The following COL5A2 variants were observed in gnomAD, a reference collection of about 807,000 sequenced individuals.
COL5A2 encodes the protein collagen alpha-2(V) chain.
A neutral mutation model predicts 208.2 loss-of-function variants in COL5A2; 23 were observed. The observed-to-expected ratio is 0.11, with a 90% CI of 0.08 to 0.16. The LOEUF (loss-of-function observed/expected upper bound fraction) is 0.16, where lower values mean the gene tolerates loss of function less well. Among genes scored for constraint, COL5A2 ranks in the 10% least tolerant of loss-of-function variants. COL5A2 has a pLI of 1.00. For synonymous variants in COL5A2, 625 were observed against 628.5 expected, an observed-to-expected ratio of 0.99 and a Z score of 0.08; for missense variants, 1,590 against 1,956.4, an observed-to-expected ratio of 0.81 and a Z score of 3.53.
intron 1 of COL5A2, among the ~76,000 whole-genome samples, chr2:189,214,625 G>A (rs1434802370): frequency 2.0e-5 from 3 of 151,970 alleles, no homozygotes; most frequent in East Asian, 1.9e-4. Context: ...TGTAATTTGC[G>A]AAAGGCAGTT....
At chr2:189,205,801 A>T (rs1689136648) in intron 1 of COL5A2, among the ~76,000 whole-genome samples, 1 of 152,350 alleles carries the variant, frequency 6.6e-6, no homozygotes, top group African/African-American at 2.4e-5. Flanking sequence ...AGAAGCAAAA[A>T]TAATGATTTT....
the COL5A2 span, among the ~76,000 whole-genome samples, chr2:189,338,516 C>T: frequency 6.6e-6 from 1 of 152,046 alleles, no homozygotes; most frequent in African/African-American, 2.4e-5. Flanking sequence ...CTAGCCAGCT[C>T]CCCCATTCTT....
intron 1 of COL5A2, among the ~76,000 whole-genome samples, chr2:189,204,404 T>G (rs566648753): frequency 2.6e-5 from 4 of 152,316 alleles, no homozygotes; most frequent in Admixed American, 2.6e-4. Flanking sequence ...TCTCCCACTC[T>G]TCAAAATTTT....
At chr2:189,390,937 T>C in the COL5A2 span, among the ~76,000 whole-genome samples, 5 of 152,304 alleles carry the variant, frequency 3.3e-5, no homozygotes, top group East Asian at 5.8e-4. Context: ...GACTGTCACA[T>C]TGGAGTGAGA....
chr2:189,090,779 C>T (rs1361319419), intron 7 of COL5A2, among the ~76,000 whole-genome samples: 1 of 152,200 alleles, frequency 6.6e-6, no homozygotes, highest in Non-Finnish European at 1.5e-5. Context: ...ACAGCCTTTA[C>T]AGCATTGTTT....
chr2:189,178,567 G>T (rs1176152432), intron 1 of COL5A2, among the ~76,000 whole-genome samples: 1 of 151,870 alleles, frequency 6.6e-6, no homozygotes, highest in Non-Finnish European at 1.5e-5. Context: ...CAAGATTAAA[G>T]ATTTAATAGA....
At chr2:189,246,042 T>C in the COL5A2 span, among the ~76,000 whole-genome samples, 68 of 152,292 alleles carry the variant, frequency 4.5e-4, 1 homozygote, top group African/African-American at 1.5e-3. Flanking sequence ...TAGGCACCAT[T>C]GCAAATACTC....
At chr2:189,299,992 G>A in the COL5A2 span, among the ~76,000 whole-genome samples, 281 of 152,136 alleles carry the variant, frequency 1.8e-3, 1 homozygote, top group African/African-American at 6.3e-3. Flanking sequence ...ATATACTGGC[G>A]GCAGTTCTCA....
the COL5A2 span, among the ~76,000 whole-genome samples, chr2:189,245,266 ACCATAAT>A: frequency 6.6e-6 from 1 of 152,048 alleles, no homozygotes; most frequent in Non-Finnish European, 1.5e-5. Context: ...TCACAATAGA[ACCATAAT>A]ATAGCAGTAT....
rs776780834 is a variant in COL5A2, at chr2:189,063,155, T to G, written c.1869+17A>C. On this transcript the variant is annotated intron_variant, in intron 27 of 53. Coordinates refer to ENST00000374866, the MANE Select transcript of COL5A2 (RefSeq NM_000393.5). ...GGATCATGATGAGGTGGCCAACATA[T>G]TATACACTGTACTCACACTGCTACC... 2 of 1,613,052 alleles carry G rather than the reference T, an allele frequency of 1.2e-6. No individual in the cohort carries two copies. Among genetic ancestry groups the G allele is most frequent in the Admixed American group, 3.3e-5 (2 of 60,014 alleles).
chr2:189,116,452 C>T (rs1366016785), intron 1 of COL5A2, among the ~76,000 whole-genome samples: 1 of 152,134 alleles, frequency 6.6e-6, no homozygotes, highest in African/African-American at 2.4e-5. Context: ...TTCCACATTC[C>T]TCATTTTGCT....
chr2:189,400,868 T>C, the COL5A2 span, among the ~76,000 whole-genome samples: 1 of 151,946 alleles, frequency 6.6e-6, no homozygotes, highest in Non-Finnish European at 1.5e-5. Flanking sequence ...CTGGCAAGAG[T>C]CCTTTGGCTT....
At position 189,068,859 on chromosome 2, in the gene COL5A2, C is replaced by T. The variant is rs766119748; in HGVS notation, c.1184G>A (p.Arg395Gln). 5.0e-6 allele frequency: 8 copies of T among 1,612,926 alleles called. No homozygotes were observed. Among genetic ancestry groups the T allele is most frequent in the Non-Finnish European group, 6.8e-6 (8 of 1,179,650 alleles). The change falls in exon 19 of 54, where the codon CGA (arginine) becomes CAA (glutamine). Residue 395 changes from arginine to glutamine, a missense_variant. By Grantham distance (43) the Arg-to-Gln change is conservative. Coordinates refer to ENST00000374866, the MANE Select transcript of COL5A2 (RefSeq NM_000393.5). ...MKGEAGPTGA[R>Q]GPEGPQGQRG... ...CTGCCCCTGAGGACCTTCAGGGCCT[C>T]GCGCCCCTGTAGGACCTGCTTCTCC...
At chr2:189,133,794 G>C (rs992476009) in intron 1 of COL5A2, among the ~76,000 whole-genome samples, 2 of 152,096 alleles carry the variant, frequency 1.3e-5, no homozygotes, top group Admixed American at 6.5e-5. Context: ...CAGAATCAGA[G>C]GAGTTCAGAA....
At chr2:189,399,109 TTTTA>T in the COL5A2 span, among the ~76,000 whole-genome samples, 1 of 152,176 alleles carries the variant, frequency 6.6e-6, no homozygotes, top group Non-Finnish European at 1.5e-5. Flanking sequence ...TCTTATAGCT[TTTTA>T]TTTCTTTCTG....
chr2:189,395,835 C>T, the COL5A2 span, among the ~76,000 whole-genome samples: 1 of 127,642 alleles, frequency 7.8e-6, no homozygotes, highest in African/African-American at 2.9e-5. Context: ...TCACTTGAAC[C>T]CAGGAAGTGG....
At chr2:189,171,491 C>T (rs1431655820) in intron 1 of COL5A2, among the ~76,000 whole-genome samples, 3 of 152,066 alleles carry the variant, frequency 2.0e-5, no homozygotes, top group East Asian at 1.9e-4. Context: ...AGAAGAGGTA[C>T]ACTTGAGAAA....
At chr2:189,090,078 C>A (rs969998782) in intron 7 of COL5A2, among the ~76,000 whole-genome samples, 1 of 152,132 alleles carries the variant, frequency 6.6e-6, no homozygotes, top group African/African-American at 2.4e-5. Context: ...CAAAGCTAGA[C>A]CTCTTGCAGC....
At chr2:189,204,334 G>A (rs1202876847) in intron 1 of COL5A2, among the ~76,000 whole-genome samples, 1 of 152,178 alleles carries the variant, frequency 6.6e-6, no homozygotes, top group Non-Finnish European at 1.5e-5. Context: ...ATCAAGCAGG[G>A]CTTTGCCCAA....
Sources: gnomAD v4.1 joint callset for allele counts (sites outside exome capture counted in the v4.1 genomes callset) on GRCh38, gnomAD v4.1.1 for gene constraint, MANE v1.5 for transcripts, NCBI Gene and HGNC (gene_info 2026-07-23, HGNC 2026-07-21) for gene names.